TRAK2: variants seen among roughly 807,000 people sequenced by gnomAD.
The protein encoded by TRAK2 is trafficking kinesin protein 2.
In TRAK2, 81 loss-of-function variants were observed where a neutral mutation model predicts 104.6. The ratio of observed to expected loss-of-function variants is 0.77; its 90% CI spans 0.65 to 0.93. The LOEUF (loss-of-function observed/expected upper bound fraction) is 0.93. Ranked by LOEUF, TRAK2 falls within the 40% of genes least tolerant of loss-of-function variation. TRAK2 has a pLI of 0.00. For synonymous variants in TRAK2, 406 were observed against 394.4 expected (o/e 1.03, Z -0.35); for missense variants, 1,002 against 1,089.0 (o/e 0.92, Z 1.12).
At position 201,401,101 on chromosome 2, in the gene TRAK2, T is replaced by G; in HGVS notation, c.287-7A>C. ...ACCCTGTCTGTGCCTAGAACTAATA[T>G]AGTTAAAAACAACTATTTATAGGCT... On this transcript the variant is annotated splice_polypyrimidine_tract_variant and splice_region_variant and intron_variant, in intron 3 of 15. Transcript: ENST00000332624. The G allele has an allele frequency of 6.3e-7, 1 of 1,590,380 alleles. No homozygotes were observed. Among genetic ancestry groups the G allele is most frequent in the Non-Finnish European group, 8.6e-7 (1 of 1,164,882 alleles).
At chr2:201,412,395 T>C in intron 2 of TRAK2, 1 of 1,325,604 alleles carries the variant, frequency 7.5e-7, no homozygotes, top group Non-Finnish European at 1.1e-6. Context: ...CATTTAACAG[T>C]AGCCTTACAT....
intron 1 of TRAK2, among the ~76,000 whole-genome samples, chr2:201,446,065 C>T (rs2125664726): frequency 6.6e-6 from 1 of 152,248 alleles, no homozygotes; most frequent in South Asian, 2.1e-4. Flanking sequence ...ACTTTTTCCT[C>T]TCCTAAAAGA....
chr2:201,392,510 C>T (rs1293240473), intron 10 of TRAK2, among the ~76,000 whole-genome samples: 4 of 152,086 alleles, frequency 2.6e-5, no homozygotes, highest in African/African-American at 9.7e-5. Flanking sequence ...ATGAAGCTTA[C>T]ATTCTAACAA....
intron 10 of TRAK2, among the ~76,000 whole-genome samples, chr2:201,390,654 C>A (rs1212838980): frequency 2.0e-5 from 3 of 147,904 alleles, no homozygotes; most frequent in African/African-American, 5.0e-5. Context: ...AAAAAAAGAA[C>A]AAGCAAGCTT....
rs1951391911 is a variant in TRAK2, at chr2:201,386,437, C to T, written c.1744G>A (p.Gly582Arg). 6.2e-7 allele frequency: 1 copy of T among 1,614,094 alleles called. No individual in the cohort carries two copies. The highest frequency in any genetic ancestry group is 8.5e-7 in the Non-Finnish European group (1 of 1,180,008). ...CCTGGTCGTGGATCAAGGATGGTTC[C>T]CAAGTTTGGTTGAGCAAGCTGCTGC... The part of the protein sequence containing the change: ...HWQQLAQPNL[G>R]TILDPRPGVI... The change falls in exon 14 of 16, where the codon GGA (glycine) becomes AGA (arginine). Residue 582 changes from glycine to arginine, a missense_variant. Coordinates refer to ENST00000332624, the MANE Select transcript of TRAK2 (RefSeq NM_015049.3).
At chr2:201,422,960 G>C (rs1463933756) in intron 1 of TRAK2, among the ~76,000 whole-genome samples, 1 of 151,606 alleles carries the variant, frequency 6.6e-6, no homozygotes, top group African/African-American at 2.4e-5. Flanking sequence ...AAAAGAAAAA[G>C]AGACATAATA....
chr2:201,386,937 C>T (rs1205665257), intron 13 of TRAK2, among the ~76,000 whole-genome samples: 1 of 152,238 alleles, frequency 6.6e-6, no homozygotes, highest in African/African-American at 2.4e-5. Flanking sequence ...ATATGTTCTA[C>T]TGGTTCCAGG....
At chr2:201,424,406 A>G (rs1235866443) in intron 1 of TRAK2, among the ~76,000 whole-genome samples, 1 of 152,180 alleles carries the variant, frequency 6.6e-6, no homozygotes, top group African/African-American at 2.4e-5. Context: ...ACAGAATGGC[A>G]ATGGAAATCT....
chr2:201,450,155 G>C (rs966026673), intron 1 of TRAK2, among the ~76,000 whole-genome samples: 3 of 151,872 alleles, frequency 2.0e-5, no homozygotes, highest in African/African-American at 4.8e-5. Flanking sequence ...GGCGGCTCAC[G>C]TCTGTAATCC....
intron 11 of TRAK2, 134 bp downstream of exon 11, chr2:201,389,667 A>AC (rs950923064): frequency 7.4e-6 from 8 of 1,074,302 alleles, no homozygotes; most frequent in Non-Finnish European, 1.1e-5. Context: ...TCACAAAAAA[A>AC]GGACACTGTG....
chr2:201,411,819 A>C, intron 2 of TRAK2: 1 of 827,842 alleles, frequency 1.2e-6, no homozygotes, highest in East Asian at 2.4e-5. Context: ...AGGAACAGCA[A>C]GGGAAGACAT....
intron 2 of TRAK2, among the ~76,000 whole-genome samples, chr2:201,417,241 C>CAAAAAAAAAAAAAAAAAGAAAAAAAATAA (rs1951700430): frequency 1.1e-5 from 1 of 88,416 alleles, no homozygotes; most frequent in Non-Finnish European, 2.2e-5. Context: ...GAAGACATTG[C>CAAAAAAAAAAAAAAAAAGAAAAAAAATAA]AAAAAAAAAA....
At chr2:201,435,547 G>T (rs1280592894) in intron 1 of TRAK2, among the ~76,000 whole-genome samples, 1 of 152,170 alleles carries the variant, frequency 6.6e-6, no homozygotes, top group African/African-American at 2.4e-5. Context: ...TTCAAGAATG[G>T]AGACTGAGTT....
intron 1 of TRAK2, among the ~76,000 whole-genome samples, chr2:201,438,015 A>T (rs923901006): frequency 6.6e-6 from 1 of 152,210 alleles, no homozygotes; most frequent in Non-Finnish European, 1.5e-5. Flanking sequence ...AATGTATTTG[A>T]TTAGTGTATC....
intron 4 of TRAK2, among the ~76,000 whole-genome samples, chr2:201,400,554 T>C (rs1375530509): frequency 6.6e-6 from 1 of 151,922 alleles, no homozygotes; most frequent in Non-Finnish European, 1.5e-5. Context: ...CTCTACTGAT[T>C]GCCAACTAGA....
At chr2:201,395,054 G>C (rs567361822) in intron 8 of TRAK2, 182 bp from the exon 9 acceptor site, 3 of 642,420 alleles carry the variant, frequency 4.7e-6, no homozygotes, top group Non-Finnish European at 7.9e-6. Context: ...GGTGTTCAGA[G>C]GACAATGGGC....
chr2:201,395,486 G>C, intron 7 of TRAK2, 42 bp from the exon 8 acceptor site: 1 of 1,461,866 alleles, frequency 6.8e-7, no homozygotes, highest in East Asian at 2.3e-5. Flanking sequence ...TACAAATGTA[G>C]AGAAGGAGTT....
Position 201,387,826 on chromosome 2 carries a change from C to T in TRAK2, c.1573G>A (p.Val525Ile), listed in dbSNP as rs199629274. 6.2e-7 allele frequency: 1 copy of T among 1,614,192 alleles called. No individual in the cohort carries two copies. Among genetic ancestry groups the T allele is most frequent in the Non-Finnish European group, 8.5e-7 (1 of 1,180,026 alleles). Residue 525 changes from valine to isoleucine, a missense_variant, in exon 13 of 16, where the codon GTC (valine) becomes ATC (isoleucine). Coordinates refer to ENST00000332624, the MANE Select transcript of TRAK2 (RefSeq NM_015049.3). Reference sequence around the variant, plus strand: ...GAGGCAAGGCTCTCTGTCGGGGTGACACAGCCACTAACTCCTTCCTTCTGG... The same window carrying T: ...GAGGCAAGGCTCTCTGTCGGGGTGATACAGCCACTAACTCCTTCCTTCTGG... ...ADQKEGVSGC[V>I]TPTESLASLC...
At chr2:201,415,956 A>AGG (rs1951688493) in intron 2 of TRAK2, among the ~76,000 whole-genome samples, 5 of 152,156 alleles carry the variant, frequency 3.3e-5, no homozygotes, top group African/African-American at 1.2e-4. Flanking sequence ...GAGAGATAGG[A>AGG]AAAAAAGAAC....
Sources: allele counts gnomAD v4.1 joint callset (sites outside exome capture counted in the v4.1 genomes callset), GRCh38; gene constraint gnomAD v4.1.1; transcripts MANE v1.5; gene names NCBI Gene and HGNC (gene_info 2026-07-23, HGNC 2026-07-21).